SLC25A43: variants seen among roughly 807,000 people sequenced by gnomAD.
SLC25A43 encodes the protein solute carrier family 25 member 43.
In SLC25A43, 10 loss-of-function variants were observed where a neutral mutation model predicts 22.8. The ratio of observed to expected loss-of-function variants is 0.44; its 90% CI spans 0.27 to 0.74. The LOEUF (loss-of-function observed/expected upper bound fraction) is 0.74. Among genes scored for constraint, SLC25A43 ranks in the 30% least tolerant of loss-of-function variants. SLC25A43 has a pLI of 0.17. For missense variants in SLC25A43, 233 were observed against 279.1 expected, an observed-to-expected ratio of 0.83 and a Z score of 1.18; for synonymous variants, 106 against 121.6, an observed-to-expected ratio of 0.87 and a Z score of 0.84.
chrX:119,406,751 A>T, intron 2 of SLC25A43, 50 bp downstream of exon 2: 1 of 1,174,378 alleles, frequency 8.5e-7, no homozygotes, highest in African/African-American at 1.8e-5. Context: ...GTTCTCTGAA[A>T]TTACAAATGT....
At chrX:119,416,520 A>G (rs2052403462) in intron 3 of SLC25A43, among the ~76,000 whole-genome samples, 2 of 112,569 alleles carry the variant, frequency 1.8e-5, no homozygotes, top group African/African-American at 3.2e-5. Flanking sequence ...TCCCCGGCCA[A>G]AAAACACCTT....
chrX:119,452,854 G>T lies in SLC25A43; in HGVS notation c.826-11G>T. On this transcript the variant is annotated splice_polypyrimidine_tract_variant and intron_variant, in intron 4 of 4. Coordinates refer to ENST00000217909, the MANE Select transcript of SLC25A43 (RefSeq NM_145305.3). ...AGAACTTAACTTGATTTTCATTTTT[G>T]GTTTTAACAGATAGTTCCATATTTT... is the stretch of plus-strand genomic sequence containing the variant. The T allele has an allele frequency of 8.4e-7, 1 of 1,184,585 alleles. No homozygotes were observed. The highest frequency in any genetic ancestry group is 1.1e-6 in the Non-Finnish European group (1 of 876,282).
intron 3 of SLC25A43, among the ~76,000 whole-genome samples, chrX:119,422,293 T>A (rs1006805657): frequency 1.8e-5 from 2 of 111,384 alleles, no homozygotes; most frequent in Non-Finnish European, 3.8e-5. Context: ...GGCATTTCTG[T>A]CCATGCCCTA....
intron 2 of SLC25A43, 140 bp downstream of exon 2, chrX:119,406,841 G>C (rs2052301385): frequency 1.3e-6 from 1 of 744,402 alleles, no homozygotes; most frequent in Non-Finnish European, 1.9e-6. Flanking sequence ...GAGGCAATTA[G>C]CTTCATTCTA....
chrX:119,452,763 T>A (rs2052716193), intron 4 of SLC25A43, 102 bp from the exon 5 acceptor site: 1 of 630,650 alleles, frequency 1.6e-6, no homozygotes, highest in African/African-American at 2.2e-5. Flanking sequence ...ACCGCCATTA[T>A]CTCACTTTAC....
intron 3 of SLC25A43, among the ~76,000 whole-genome samples, chrX:119,441,458 C>A (rs1472985945): frequency 9.2e-6 from 1 of 109,132 alleles, no homozygotes; most frequent in African/African-American, 3.3e-5. Flanking sequence ...AGCTGTAGAC[C>A]GGAGCTGTTC....
At chrX:119,424,112 CTGAGGCAGGAGAATGCCGCGAACCTG>C (rs2052481721) in intron 3 of SLC25A43, among the ~76,000 whole-genome samples, 1 of 107,575 alleles carries the variant, frequency 9.3e-6, no homozygotes, top group Non-Finnish European at 1.9e-5. Flanking sequence ...ACTTGGGAGG[CTGAGGCAGGAGAATGCCGCGAACCTG>C]GGAGGCAGAG....
chrX:119,405,595 CAAAAAA>C (rs56389948), intron 1 of SLC25A43, among the ~76,000 whole-genome samples: 54 of 51,161 alleles, frequency 1.1e-3, no homozygotes, highest in Admixed American at 1.5e-3. Flanking sequence ...CCTATCTCTA[CAAAAAA>C]AAAAAAAAAA....
intron 3 of SLC25A43, among the ~76,000 whole-genome samples, chrX:119,416,853 AT>A (rs1452786147): frequency 8.9e-6 from 1 of 112,623 alleles, no homozygotes; most frequent in Non-Finnish European, 1.9e-5. Flanking sequence ...TCAAAGGGAA[AT>A]TATGCTCTCT....
intron 3 of SLC25A43, among the ~76,000 whole-genome samples, chrX:119,422,315 C>T (rs764855811): frequency 6.3e-5 from 7 of 111,729 alleles, no homozygotes; most frequent in Non-Finnish European, 1.3e-4. Context: ...CTCTTCCCAT[C>T]TTAACACTAT....
At chrX:119,445,376 C>T (rs1569376860) in intron 3 of SLC25A43, among the ~76,000 whole-genome samples, 1 of 112,233 alleles carries the variant, frequency 8.9e-6, no homozygotes, top group East Asian at 2.8e-4. Flanking sequence ...TTACTATATG[C>T]TGTATTGAAT....
At chrX:119,434,675 A>C (rs1028499191) in intron 3 of SLC25A43, 1 of 108,539 alleles carries the variant, frequency 9.2e-6, no homozygotes, top group African/African-American at 3.4e-5. Flanking sequence ...GGAGCGGGGG[A>C]CCACCAGGTT....
chrX:119,408,348 TTC>T lies in SLC25A43; in HGVS notation c.517+1653_517+1654del, dbSNP rs994088064. 4.5e-5 allele frequency among the ~76,000 whole-genome samples: 5 copies of T among 111,884 alleles called. No individual in the cohort carries two copies. The South Asian group carries it at 1.1e-3, about 25-fold the overall frequency. On this transcript the variant is annotated intron_variant, in intron 2 of 4. Coordinates refer to ENST00000217909, the MANE Select transcript of SLC25A43 (RefSeq NM_145305.3). Reference sequence around the variant, plus strand: ...TATTCCTCAAGACCCAGTTCAAAAGTTCTCTCTTTCATCAAGTCCCTCCTGAC... The same window carrying T: ...TATTCCTCAAGACCCAGTTCAAAAGTTCTCTTTCATCAAGTCCCTCCTGAC...
Position 119,410,211 on chromosome X carries a change from G to T in SLC25A43, c.539G>T (p.Gly180Val). 1 of 1,210,837 alleles carries T rather than the reference G, an allele frequency of 8.3e-7. No homozygotes were observed. The highest frequency in any genetic ancestry group is 1.1e-6 in the Non-Finnish European group (1 of 895,244). The change falls in exon 3 of 5, where the codon GGC becomes GTC. Residue 180 changes from glycine to valine, a missense_variant. Physicochemically the swap from Gly to Val is moderately radical, Grantham distance 109 (BLOSUM62 -3). Transcript: ENST00000217909. Reference protein sequence around the residue: ...TVVGALPFSAGSLLVYMNLEK... With the variant: ...TVVGALPFSAVSLLVYMNLEK... ...GCAGGTGCTCTCCCGTTCTCTGCTG[G>T]CTCCCTTCTTGTTTACATGAACCTG...
At chrX:119,432,330 T>A (rs1265739580) in intron 3 of SLC25A43, among the ~76,000 whole-genome samples, 7 of 111,844 alleles carry the variant, frequency 6.3e-5, no homozygotes, top group African/African-American at 2.3e-4. Context: ...TAATTCTAAT[T>A]AATAATATGT....
intron 3 of SLC25A43, among the ~76,000 whole-genome samples, chrX:119,435,443 A>C (rs1275089281): frequency 1.1e-5 from 1 of 91,716 alleles, no homozygotes; most frequent in African/African-American, 4.1e-5. Flanking sequence ...CCAGTAAGAA[A>C]TTTAGATTTT....
intron 1 of SLC25A43, among the ~76,000 whole-genome samples, chrX:119,405,751 T>C (rs2052290864): frequency 9.1e-6 from 1 of 110,149 alleles, no homozygotes; most frequent in African/African-American, 3.3e-5. Context: ...GCGTGGGCGA[T>C]AGAGTGGCCA....
In SLC25A43 at chrX:119,410,352, G is replaced by GA; in HGVS notation, c.683dup (p.Met229AspfsTer57). ...TCCTTTCCCTTTGAGACCGTGAAGA[G>GA]AAAGATGCAGGTGAGGAGTTATCAG... On this transcript the variant is annotated frameshift_variant, in exon 3 of 5. Coordinates refer to ENST00000217909, the MANE Select transcript of SLC25A43 (RefSeq NM_145305.3). LOFTEE classifies it high-confidence loss of function. 2 of 1,211,573 alleles carry GA rather than the reference G, an allele frequency of 1.7e-6. No homozygotes were observed. The highest frequency in any genetic ancestry group is 2.2e-6 in the Non-Finnish European group (2 of 895,395).
At chrX:119,405,964 G>A (rs1277044064) in intron 1 of SLC25A43, among the ~76,000 whole-genome samples, 1 of 111,686 alleles carries the variant, frequency 9.0e-6, no homozygotes, top group Non-Finnish European at 1.9e-5. Flanking sequence ...CCTGGGGAAC[G>A]GAAGTTGAAG....
Sources: gnomAD v4.1 joint callset for allele counts (sites outside exome capture counted in the v4.1 genomes callset) on GRCh38, gnomAD v4.1.1 for gene constraint, MANE v1.5 for transcripts, NCBI Gene and HGNC (gene_info 2026-07-23, HGNC 2026-07-21) for gene names.